The following IMPA2 variants were observed in gnomAD, a reference collection of about 807,000 sequenced individuals.
IMPA2 encodes the protein IMP 2.
In IMPA2, 32 loss-of-function variants were observed where a neutral mutation model predicts 35.1. The ratio of observed to expected loss-of-function variants is 0.91; its 90% CI spans 0.69 to 1.23. The LOEUF is 1.23. Ranked by LOEUF, IMPA2 falls within the 50% of genes most tolerant of loss-of-function variation. The pLI, the probability that IMPA2 is intolerant of heterozygous loss-of-function variation, is 0.00. For synonymous variants in IMPA2, 135 were observed against 160.6 expected (o/e 0.84, Z 1.20); for missense variants, 334 against 387.6 (o/e 0.86, Z 1.16).
chr18:11,981,520 A>C lies in IMPA2; in HGVS notation c.-150A>C, dbSNP rs1165571530. ...CGGCCCGCTGGCTGCCCTTCCCGCCAGCGCAGGTGTGGGACGGGCGGCGGA... is the reference window on the plus strand; with the variant it reads ...CGGCCCGCTGGCTGCCCTTCCCGCCCGCGCAGGTGTGGGACGGGCGGCGGA... On this transcript the variant is annotated 5_prime_UTR_variant, in exon 1 of 8. Transcript: ENST00000269159. 6.7e-6 allele frequency: 3 copies of C among 450,754 alleles called. No homozygotes were observed. The highest frequency in any genetic ancestry group is 7.2e-6 in the Non-Finnish European group (2 of 277,988). 27.9% of individuals were successfully genotyped at this position (450,754 alleles called of 1,614,324 possible).
chr18:11,990,472 A>G (rs1414929369), intron 1 of IMPA2, among the ~76,000 whole-genome samples: 1 of 152,174 alleles, frequency 6.6e-6, no homozygotes, highest in Non-Finnish European at 1.5e-5. Flanking sequence ...AAGAGAACAT[A>G]GCACCAAGGA....
Position 12,010,276 on chromosome 18 carries a change from T to C in IMPA2, c.335+289T>C, listed in dbSNP as rs192367462. The stretch of plus-strand genomic sequence containing the variant: ...CAAGGACCCCTTGAAGGAGTCTGAC[T>C]CCCCTCACACCCCACCCCCACTGGA... On this transcript the variant is annotated intron_variant, in intron 3 of 7. Transcript: ENST00000269159. The surrounding 1 kb of genome is among the most constrained non-coding windows in gnomAD (Gnocchi z 4.8). 72 of 314,798 alleles carry C rather than the reference T, an allele frequency of 2.3e-4. No homozygotes were observed. The highest frequency in any genetic ancestry group is 1.5e-3 in the African/African-American group (67 of 45,786). The allele number at this position is 314,798 out of a possible 1,614,324, so 19.5% of individuals were successfully genotyped here. A position where few individuals can be genotyped will look rare whatever the true frequency, so the allele number is the denominator to read the frequency against.
intron 2 of IMPA2, among the ~76,000 whole-genome samples, chr18:12,005,139 G>A (rs1907216144): frequency 6.6e-6 from 1 of 152,218 alleles, no homozygotes; most frequent in African/African-American, 2.4e-5. Flanking sequence ...GCTCCCTGCT[G>A]CCCACAAGCA....
chr18:12,000,824 T>C (rs1907096399), intron 2 of IMPA2, among the ~76,000 whole-genome samples: 1 of 151,016 alleles, frequency 6.6e-6, no homozygotes, highest in Admixed American at 6.6e-5. Context: ...ACCTTGTTAG[T>C]CAGGATGGTC....
intron 2 of IMPA2, among the ~76,000 whole-genome samples, chr18:11,999,921 C>T (rs1233518771): frequency 6.6e-6 from 1 of 152,218 alleles, no homozygotes; most frequent in Non-Finnish European, 1.5e-5. Context: ...TAAGGCCCCT[C>T]TCTCACCTCT....
chr18:11,997,895 C>T (rs775181195), intron 1 of IMPA2, among the ~76,000 whole-genome samples: 1 of 152,182 alleles, frequency 6.6e-6, no homozygotes, highest in Non-Finnish European at 1.5e-5. Flanking sequence ...GAGCTGGGCG[C>T]GGTGGCTTAC....
chr18:12,012,065 G>T, intron 3 of IMPA2, 105 bp from the exon 4 acceptor site: 1 of 950,540 alleles, frequency 1.1e-6, no homozygotes, highest in South Asian at 1.4e-5. Context: ...CCCACCCAGA[G>T]TGTAGGAAGG....
intron 2 of IMPA2, among the ~76,000 whole-genome samples, chr18:12,003,670 GGAAAAAA>G (rs1293655517): frequency 5.4e-4 from 44 of 80,754 alleles, no homozygotes; most frequent in East Asian, 1.6e-3. Context: ...AAAAAGAAAA[GGAAAAAA>G]AAAAAAAAAG....
chr18:11,991,638 T>G lies in IMPA2; in HGVS notation c.97-7416T>G, dbSNP rs1225817750. Among the ~76,000 whole-genome samples, 1 of 151,910 alleles carries G rather than the reference T, an allele frequency of 6.6e-6. No homozygotes were observed. Among genetic ancestry groups the G allele is most frequent in the African/African-American group, 2.4e-5 (1 of 41,242 alleles). ...GGAGACGCGGAGAGACAGCTGATGT[T>G]CCAGTTTGAAGGCCATAGGGCAGGA... On this transcript the variant is annotated intron_variant, in intron 1 of 7. Coordinates refer to ENST00000269159, the MANE Select transcript of IMPA2 (RefSeq NM_014214.3). The surrounding 1 kb of genome is among the most constrained non-coding windows in gnomAD (Gnocchi z 4.1).
At position 12,012,090 on chromosome 18, in the gene IMPA2, C is replaced by T. The variant is rs193230625; in HGVS notation, c.336-80C>T. ...GTGTAGGAAGGTCCTTCTGAGCCTG[C>T]GGGGAGCCGCACAGCACACAGGCTC... On this transcript the variant is annotated intron_variant, in intron 3 of 7. Transcript: ENST00000269159. The T allele has an allele frequency of 2.0e-5, 27 of 1,331,412 alleles. No individual in the cohort carries two copies. In the African/African-American group the frequency reaches 2.8e-4, roughly 14 times the overall value. The allele number at this position is 1,331,412 out of a possible 1,614,324, so 82.5% of individuals were successfully genotyped here. A position where few individuals can be genotyped will look rare whatever the true frequency, so the allele number is the denominator to read the frequency against.
chr18:11,998,475 T>C (rs1264059024), intron 1 of IMPA2, among the ~76,000 whole-genome samples: 1 of 152,202 alleles, frequency 6.6e-6, no homozygotes, highest in East Asian at 1.9e-4. Context: ...GAGCTGGCCA[T>C]GGTTCCTGAA....
At chr18:11,996,105 G>A (rs1906951778) in intron 1 of IMPA2, among the ~76,000 whole-genome samples, 1 of 152,184 alleles carries the variant, frequency 6.6e-6, no homozygotes, top group East Asian at 1.9e-4. Flanking sequence ...CCGACAGGAA[G>A]GATGGTTTCA....
intron 2 of IMPA2, among the ~76,000 whole-genome samples, chr18:12,001,648 A>G (rs973541642): frequency 6.6e-6 from 1 of 152,036 alleles, no homozygotes; most frequent in African/African-American, 2.4e-5. Flanking sequence ...GAGCACAGGT[A>G]CCTCCCTCCA....
At chr18:12,014,617 A>G (rs1907527782) in intron 5 of IMPA2, among the ~76,000 whole-genome samples, 2 of 152,004 alleles carry the variant, frequency 1.3e-5, no homozygotes, top group African/African-American at 2.4e-5. Context: ...CTCATCTTTC[A>G]GGCTAAAAGT....
intron 1 of IMPA2, among the ~76,000 whole-genome samples, chr18:11,992,734 T>G (rs1906852129): frequency 6.6e-6 from 1 of 151,842 alleles, no homozygotes; most frequent in Non-Finnish European, 1.5e-5. Context: ...GCTGGTGGAG[T>G]GAGAGTGTTT....
intron 5 of IMPA2, among the ~76,000 whole-genome samples, chr18:12,024,834 A>G (rs1907835688): frequency 6.6e-6 from 1 of 151,652 alleles, no homozygotes; most frequent in African/African-American, 2.4e-5. Context: ...GAGTTCCTAT[A>G]CACCTCCTGT....
At chr18:12,003,205 AAAAT>A (rs1055017521) in intron 2 of IMPA2, among the ~76,000 whole-genome samples, 1 of 151,988 alleles carries the variant, frequency 6.6e-6, no homozygotes, top group African/African-American at 2.4e-5. Context: ...CAAAAAATAA[AAAAT>A]AAATAAATAA....
chr18:12,030,651 G>A lies in IMPA2; in HGVS notation c.*193G>A. 1.7e-6 allele frequency: 1 copy of A among 582,144 alleles called. No homozygotes were observed. The highest frequency in any genetic ancestry group is 2.1e-5 in the South Asian group (1 of 48,462). The allele number at this position is 582,144 out of a possible 1,614,324, so 36.1% of individuals were successfully genotyped here. On this transcript the variant is annotated 3_prime_UTR_variant, in exon 8 of 8. Transcript: ENST00000269159. ...CTCTCTCACCAGGATTTGGTGTTTAGCTGTTTCTCTCTTTAATCTCACGTA... is the reference window on the plus strand; with the variant it reads ...CTCTCTCACCAGGATTTGGTGTTTAACTGTTTCTCTCTTTAATCTCACGTA...
At position 11,991,829 on chromosome 18, in the gene IMPA2, C is replaced by A. The variant is rs1045706734; in HGVS notation, c.97-7225C>A. On this transcript the variant is annotated intron_variant, in intron 1 of 7. Transcript: ENST00000269159. This position sits in a 1 kb window ranked among gnomAD's most constrained non-coding sequence, Gnocchi z 4.1. ...CCTGATTAAGATGCTGATGCCCTCG[C>A]AGAAACACCCAGAACAATTTTTTTT... is the stretch of plus-strand genomic sequence containing the variant. 2.0e-5 allele frequency among the ~76,000 whole-genome samples: 3 copies of A among 149,202 alleles called. No individual in the cohort carries two copies. Among genetic ancestry groups the A allele is most frequent in the African/African-American group, 7.6e-5 (3 of 39,368 alleles).
Sources: allele counts gnomAD v4.1 joint callset (sites outside exome capture counted in the v4.1 genomes callset), GRCh38; gene constraint gnomAD v4.1.1; non-coding constraint Gnocchi (gnomAD v3.1); transcripts MANE v1.5; gene names NCBI Gene and HGNC (gene_info 2026-07-23, HGNC 2026-07-21).